The following MAST4 variants were observed in gnomAD, a reference collection of about 807,000 sequenced individuals.
The protein encoded by MAST4 is microtubule associated serine/threonine kinase family member 4.
MAST4 carries 89 observed loss-of-function variants against 162.7 expected under a neutral mutation model. The ratio of observed to expected loss-of-function variants is 0.55; its 90% confidence interval spans 0.46 to 0.65. The LOEUF (loss-of-function observed/expected upper bound fraction) is 0.65, where lower values mean the gene tolerates loss of function less well. Ranked by LOEUF, MAST4 falls within the 30% of genes least tolerant of loss-of-function variation. MAST4 has a pLI of 0.00. For synonymous variants in MAST4, 1,479 were observed against 1,361.1 expected, an observed-to-expected ratio of 1.09 and a Z score of -1.91; for missense variants, 3,153 against 3,374.0, an observed-to-expected ratio of 0.93 and a Z score of 1.62.
chr5:66,882,238 G>C (rs978656534), intron 3 of MAST4, among the ~76,000 whole-genome samples: 1 of 152,110 alleles, frequency 6.6e-6, no homozygotes, highest in Admixed American at 6.5e-5. Context: ...ATCCTGCCTA[G>C]GATTTGCTGA....
At chr5:66,877,200 AATATG>A (rs1217811207) in intron 3 of MAST4, among the ~76,000 whole-genome samples, 1 of 152,202 alleles carries the variant, frequency 6.6e-6, no homozygotes, top group African/African-American at 2.4e-5. Flanking sequence ...TAAGCAAAGA[AATATG>A]ATATAAGGGA....
intron 3 of MAST4, among the ~76,000 whole-genome samples, chr5:66,812,506 C>T (rs1222942333): frequency 6.6e-6 from 1 of 152,120 alleles, no homozygotes; most frequent in Non-Finnish European, 1.5e-5. Context: ...AGCTTCATTG[C>T]CATGGTCAAA....
intron 1 of MAST4, among the ~76,000 whole-genome samples, chr5:66,624,577 G>A (rs953065318): frequency 2.0e-5 from 3 of 152,124 alleles, no homozygotes; most frequent in Non-Finnish European, 4.4e-5. Context: ...AAAAGACCCT[G>A]AATAGCCAAA....
At chr5:66,878,611 A>G (rs990470985) in intron 3 of MAST4, among the ~76,000 whole-genome samples, 4 of 152,218 alleles carry the variant, frequency 2.6e-5, no homozygotes, top group Non-Finnish European at 5.9e-5. Flanking sequence ...GTGCTGGGCA[A>G]TGCAAGATTT....
intron 4 of MAST4, among the ~76,000 whole-genome samples, chr5:66,958,418 T>C (rs1475261396): frequency 8.5e-5 from 13 of 152,248 alleles, no homozygotes; most frequent in Admixed American, 7.2e-4. Flanking sequence ...ACTTTCAGGC[T>C]TTCAAAATTC....
intron 5 of MAST4, among the ~76,000 whole-genome samples, chr5:67,074,605 G>T (rs1025063167): frequency 6.6e-6 from 1 of 152,136 alleles, no homozygotes; most frequent in Non-Finnish European, 1.5e-5. Context: ...GGAATAATTT[G>T]TAGCCATTTA....
At chr5:66,964,029 T>A in intron 4 of MAST4, 3 of 659,892 alleles carry the variant, frequency 4.5e-6, no homozygotes, top group South Asian at 3.0e-5. Flanking sequence ...TTTTTCATTT[T>A]GCTTTCTTAG....
intron 1 of MAST4, among the ~76,000 whole-genome samples, chr5:66,597,567 C>T (rs922861217): frequency 6.6e-6 from 1 of 152,196 alleles, no homozygotes. Context: ...CGTCGGTCCT[C>T]TGGGAGAAGA....
chr5:66,690,784 T>C (rs1443664129), intron 1 of MAST4, among the ~76,000 whole-genome samples: 1 of 152,214 alleles, frequency 6.6e-6, no homozygotes, highest in Non-Finnish European at 1.5e-5. Context: ...GTGTCATCTG[T>C]ACTTTGATAA....
chr5:66,912,072 T>G (rs552737855), intron 4 of MAST4, among the ~76,000 whole-genome samples: 19 of 152,288 alleles, frequency 1.2e-4, no homozygotes, highest in African/African-American at 4.6e-4. Flanking sequence ...ATCTTCTAGA[T>G]TTATTTTATT....
intron 4 of MAST4, among the ~76,000 whole-genome samples, chr5:66,951,623 TG>T (rs1391382657): frequency 6.7e-6 from 1 of 149,346 alleles, no homozygotes; most frequent in East Asian, 1.9e-4. Context: ...TGTGTGTGTG[TG>T]TGTGTGTGTG....
chr5:66,686,016 C>T (rs908625448), intron 1 of MAST4, among the ~76,000 whole-genome samples: 15 of 152,220 alleles, frequency 9.9e-5, no homozygotes, highest in African/African-American at 3.1e-4. Flanking sequence ...GGAGTTCAGA[C>T]GGTAATGCTT....
intron 1 of MAST4, among the ~76,000 whole-genome samples, chr5:66,601,658 G>A (rs1160435875): frequency 6.6e-6 from 1 of 152,076 alleles, no homozygotes; most frequent in East Asian, 1.9e-4. Context: ...ATGGGTCCAT[G>A]GCTCTGAGAG....
At chr5:67,003,420 A>G (rs1751513952) in intron 4 of MAST4, among the ~76,000 whole-genome samples, 1 of 152,100 alleles carries the variant, frequency 6.6e-6, no homozygotes, top group Non-Finnish European at 1.5e-5. Flanking sequence ...GATAAAGAAG[A>G]TCCCACAGCA....
intron 1 of MAST4, among the ~76,000 whole-genome samples, chr5:66,714,651 G>A (rs1412019906): frequency 6.6e-6 from 1 of 152,224 alleles, no homozygotes; most frequent in East Asian, 1.9e-4. Context: ...ATGCATAACT[G>A]AATATAATAC....
At chr5:66,685,660 C>T (rs964168875) in intron 1 of MAST4, among the ~76,000 whole-genome samples, 16 of 152,004 alleles carry the variant, frequency 1.1e-4, no homozygotes, top group African/African-American at 3.4e-4. Flanking sequence ...TCCTTTGAGT[C>T]GTCTCGGGGA....
At chr5:67,024,458 ATGTGGGG>A in intron 4 of MAST4, among the ~76,000 whole-genome samples, 1 of 151,376 alleles carries the variant, frequency 6.6e-6, no homozygotes, top group Non-Finnish European at 1.5e-5. Context: ...TGTGCTCAAA[ATGTGGGG>A]TGTGTATATA....
At chr5:67,151,106 CACAG>C (rs1312964171) in intron 24 of MAST4, among the ~76,000 whole-genome samples, 2 of 152,192 alleles carry the variant, frequency 1.3e-5, no homozygotes, top group Non-Finnish European at 2.9e-5. Context: ...TGCACACACA[CACAG>C]ACAGTTTCAC....
chr5:66,668,337 T>A, intron 1 of MAST4, among the ~76,000 whole-genome samples: 1 of 152,240 alleles, frequency 6.6e-6, no homozygotes, highest in East Asian at 1.9e-4. Flanking sequence ...TTACTTTCTT[T>A]GACTTTTAGT....
Sources: allele counts gnomAD v4.1 joint callset (sites outside exome capture counted in the v4.1 genomes callset), GRCh38; gene constraint gnomAD v4.1.1; transcripts MANE v1.5; gene names NCBI Gene and HGNC (gene_info 2026-07-23, HGNC 2026-07-21).